Variants in GPR39 observed in about 807,000 individuals in gnomAD.
GPR39 encodes zinc sensing receptor.
Under a neutral mutation model 18.4 loss-of-function variants are expected in GPR39, and 23 were observed. The ratio of observed to expected loss-of-function variants is 1.25; its 90% CI spans 0.90 to 1.77. The LOEUF (loss-of-function observed/expected upper bound fraction) is 1.77, where lower values mean the gene tolerates loss of function less well. GPR39 is among the 40% of genes most tolerant of loss of function. The pLI, the probability that GPR39 is intolerant of heterozygous loss-of-function variation, is 0.00. For synonymous variants in GPR39, 280 were observed against 257.9 expected (o/e 1.09, Z -0.82); for missense variants, 647 against 602.4 (o/e 1.07, Z -0.78).
chr2:132,427,158 A>ATATATATT, intron 1 of GPR39, among the ~76,000 whole-genome samples: 1 of 77,116 alleles, frequency 1.3e-5, no homozygotes, highest in Non-Finnish European at 2.5e-5. Flanking sequence ...ATATATATAT[A>ATATATATT]TATATATGAA....
At chr2:132,630,546 AC>A (rs1457382355) in intron 1 of GPR39, among the ~76,000 whole-genome samples, 1 of 152,186 alleles carries the variant, frequency 6.6e-6, no homozygotes, top group East Asian at 1.9e-4. Flanking sequence ...AAGGTTAATA[AC>A]AAGCCATCGA....
intron 1 of GPR39, among the ~76,000 whole-genome samples, chr2:132,485,892 TGG>T (rs1681328208): frequency 6.6e-6 from 1 of 152,236 alleles, no homozygotes; most frequent in African/African-American, 2.4e-5. Flanking sequence ...GTATCTAGAA[TGG>T]GGAATTCTTT....
intron 1 of GPR39, among the ~76,000 whole-genome samples, chr2:132,560,497 T>G (rs1573667535): frequency 1.3e-5 from 2 of 152,352 alleles, no homozygotes; most frequent in Non-Finnish European, 1.5e-5. Flanking sequence ...CTATGTAATC[T>G]ATCACTACCA....
chr2:132,425,742 A>G (rs915734507), intron 1 of GPR39, among the ~76,000 whole-genome samples: 1 of 152,226 alleles, frequency 6.6e-6, no homozygotes, highest in Non-Finnish European at 1.5e-5. Flanking sequence ...GAGTCAAAGC[A>G]TGAGAGGCAT....
At chr2:132,439,235 G>A (rs1573602713) in intron 1 of GPR39, among the ~76,000 whole-genome samples, 1 of 152,328 alleles carries the variant, frequency 6.6e-6, no homozygotes, top group South Asian at 2.1e-4. Context: ...TAAAGATCAA[G>A]AGAAAACCAA....
intron 1 of GPR39, among the ~76,000 whole-genome samples, chr2:132,499,142 T>C (rs1173684154): frequency 6.6e-6 from 1 of 152,224 alleles, no homozygotes; most frequent in African/African-American, 2.4e-5. Context: ...TAAGCCAATG[T>C]CTAGAAGTGT....
At chr2:132,438,274 T>C (rs1680367932) in intron 1 of GPR39, among the ~76,000 whole-genome samples, 1 of 152,218 alleles carries the variant, frequency 6.6e-6, no homozygotes, top group African/African-American at 2.4e-5. Context: ...CCTGAGTGCT[T>C]TCATAAGTTG....
chr2:132,634,869 T>C (rs1681720543), intron 1 of GPR39, among the ~76,000 whole-genome samples: 1 of 152,204 alleles, frequency 6.6e-6, no homozygotes. Flanking sequence ...GTACTCTGTT[T>C]GTACCCCATA....
chr2:132,517,996 T>C (rs913617095), intron 1 of GPR39, among the ~76,000 whole-genome samples: 1 of 152,214 alleles, frequency 6.6e-6, no homozygotes, highest in African/African-American at 2.4e-5. Flanking sequence ...TTAATTATCA[T>C]TGCACTATAA....
intron 1 of GPR39, among the ~76,000 whole-genome samples, chr2:132,569,411 G>A (rs1484119686): frequency 2.0e-5 from 3 of 152,074 alleles, no homozygotes; most frequent in Non-Finnish European, 2.9e-5. Context: ...TGATGGATGC[G>A]TGGAGCCCAC....
intron 1 of GPR39, among the ~76,000 whole-genome samples, chr2:132,597,436 C>G (rs1375392607): frequency 1.3e-5 from 2 of 152,182 alleles, no homozygotes; most frequent in South Asian, 2.1e-4. Context: ...GCAGGCTGTT[C>G]CTTGACAGTC....
intron 1 of GPR39, among the ~76,000 whole-genome samples, chr2:132,640,070 C>A (rs1265089177): frequency 2.0e-5 from 3 of 152,140 alleles, no homozygotes; most frequent in Non-Finnish European, 4.4e-5. Context: ...AGTTACAAGG[C>A]TGGTCTCAAG....
intron 1 of GPR39, among the ~76,000 whole-genome samples, chr2:132,624,872 A>G (rs1463927511): frequency 6.6e-6 from 1 of 152,188 alleles, no homozygotes; most frequent in Non-Finnish European, 1.5e-5. Flanking sequence ...TCGGGGATCA[A>G]TATAGACCTG....
At position 132,416,965 on chromosome 2, in the gene GPR39, C is replaced by G; in HGVS notation, c.-78C>G. ...GCGCCCACGCAGGTGAGTTTGCAGC[C>G]AAGAATTTTGGACGCTGCTGGGAGG... On this transcript the variant is annotated 5_prime_UTR_variant, in exon 1 of 2. Transcript: ENST00000329321. 1 of 1,538,080 alleles carries G rather than the reference C, an allele frequency of 6.5e-7. No individual in the cohort carries two copies. Among genetic ancestry groups the G allele is most frequent in the East Asian group, 2.3e-5 (1 of 44,262 alleles).
chr2:132,493,044 ATATATAC>A (rs1681531996), intron 1 of GPR39, among the ~76,000 whole-genome samples: 1 of 124,078 alleles, frequency 8.1e-6, no homozygotes, highest in African/African-American at 2.9e-5. Flanking sequence ...TATATATACC[ATATATAC>A]CATATATACA....
chr2:132,609,077 G>A (rs1057181657), intron 1 of GPR39, among the ~76,000 whole-genome samples: 3 of 152,220 alleles, frequency 2.0e-5, no homozygotes, highest in African/African-American at 7.2e-5. Context: ...GTACAAAGGT[G>A]CCCGGGATGT....
intron 1 of GPR39, among the ~76,000 whole-genome samples, chr2:132,526,419 G>C (rs1679509918): frequency 6.6e-6 from 1 of 152,160 alleles, no homozygotes; most frequent in African/African-American, 2.4e-5. Context: ...CTTCTACCTG[G>C]GGAAGGCCAG....
At chr2:132,483,913 C>G (rs947820887) in intron 1 of GPR39, among the ~76,000 whole-genome samples, 1 of 152,144 alleles carries the variant, frequency 6.6e-6, no homozygotes, top group Non-Finnish European at 1.5e-5. Context: ...AATATGCTAT[C>G]CCAGGAATCC....
chr2:132,470,492 G>A (rs965174740), intron 1 of GPR39, among the ~76,000 whole-genome samples: 3 of 152,110 alleles, frequency 2.0e-5, no homozygotes, highest in East Asian at 1.9e-4. Context: ...AATGAACGGG[G>A]CAAGTAGGGT....
Sources: allele counts gnomAD v4.1 joint callset (sites outside exome capture counted in the v4.1 genomes callset), GRCh38; gene constraint gnomAD v4.1.1; transcripts MANE v1.5; gene names NCBI Gene and HGNC (gene_info 2026-07-23, HGNC 2026-07-21).